Variants in MAGI2 observed in about 807,000 individuals in gnomAD.
MAGI2 encodes membrane associated guanylate kinase, WW and PDZ domain containing 2, also known as membrane-associated guanylate kinase, WW and PDZ domain-containing protein 2.
A neutral mutation model predicts 133.3 loss-of-function variants in MAGI2; 35 were observed. The observed-to-expected ratio is 0.26, with a 90% CI of 0.20 to 0.35. The LOEUF (loss-of-function observed/expected upper bound fraction) is 0.35, where lower values mean the gene tolerates loss of function less well. Among genes scored for constraint, MAGI2 ranks in the 10% least tolerant of loss-of-function variants. MAGI2 has a pLI of 1.00. For synonymous variants in MAGI2, 729 were observed against 710.6 expected (o/e 1.03, Z -0.41); for missense variants, 1,636 against 1,863.4 (o/e 0.88, Z 2.25).
chr7:79,239,098 T>C (rs13243756), intron 1 of MAGI2, among the ~76,000 whole-genome samples: 92,056 of 152,032 alleles, frequency 0.61, 29,306 homozygotes, highest in Non-Finnish European at 0.7. Flanking sequence ...TTGCACACCA[T>C]GTTTTTTAAA....
chr7:78,910,389 T>C (rs191106999), intron 2 of MAGI2, among the ~76,000 whole-genome samples: 214 of 152,054 alleles, frequency 1.4e-3, no homozygotes, highest in African/African-American at 5.0e-3. Flanking sequence ...TTAAAAACCT[T>C]AGGTAGTAAT....
At chr7:78,039,690 T>C (rs539754567) in intron 21 of MAGI2, 1 of 152,290 alleles carries the variant, frequency 6.6e-6, no homozygotes, top group South Asian at 2.1e-4. Context: ...GCCTGGCACA[T>C]TGGTGCTAAA....
chr7:79,295,877 C>G (rs376709124), intron 1 of MAGI2, among the ~76,000 whole-genome samples: 1 of 152,170 alleles, frequency 6.6e-6, no homozygotes, highest in Admixed American at 6.5e-5. Flanking sequence ...TAAATTGTGA[C>G]AAATTATGTC....
At chr7:78,809,100 G>C (rs1329088885) in intron 2 of MAGI2, among the ~76,000 whole-genome samples, 1 of 152,180 alleles carries the variant, frequency 6.6e-6, no homozygotes, top group Non-Finnish European at 1.5e-5. Context: ...TCGTTTGCAA[G>C]TGGTGTGGAT....
At chr7:79,128,423 T>C (rs1423911524) in intron 1 of MAGI2, among the ~76,000 whole-genome samples, 1 of 152,214 alleles carries the variant, frequency 6.6e-6, no homozygotes, top group Non-Finnish European at 1.5e-5. Flanking sequence ...GTTAAACTTT[T>C]GAAAACATTT....
At chr7:79,245,568 T>C (rs957047624) in intron 1 of MAGI2, among the ~76,000 whole-genome samples, 3 of 152,172 alleles carry the variant, frequency 2.0e-5, no homozygotes, top group East Asian at 1.9e-4. Context: ...ATGGTAATAA[T>C]GGGAAGGACT....
chr7:79,180,581 G>A (rs1826525128), intron 1 of MAGI2, among the ~76,000 whole-genome samples: 1 of 151,922 alleles, frequency 6.6e-6, no homozygotes, highest in Non-Finnish European at 1.5e-5. Context: ...CAACATGTGG[G>A]AATTCAAGAG....
chr7:78,085,987 G>C (rs780487940), intron 20 of MAGI2, among the ~76,000 whole-genome samples: 1 of 152,024 alleles, frequency 6.6e-6, no homozygotes, highest in Non-Finnish European at 1.5e-5. Flanking sequence ...TCTCCCTTCC[G>C]GAGCCTCCAT....
chr7:78,289,605 C>CAAAG (rs1407241949), intron 9 of MAGI2, among the ~76,000 whole-genome samples: 1 of 152,096 alleles, frequency 6.6e-6, no homozygotes, highest in Non-Finnish European at 1.5e-5. Flanking sequence ...GAGAACACCA[C>CAAAG]AAAGATACTC....
chr7:78,073,156 CTG>C (rs1814892452), intron 21 of MAGI2, among the ~76,000 whole-genome samples: 1 of 152,182 alleles, frequency 6.6e-6, no homozygotes, highest in African/African-American at 2.4e-5. Flanking sequence ...TCAGATCGAT[CTG>C]TTTCTCCAAT....
At chr7:78,262,728 G>C (rs1793631757) in intron 9 of MAGI2, among the ~76,000 whole-genome samples, 1 of 152,102 alleles carries the variant, frequency 6.6e-6, no homozygotes, top group Admixed American at 6.6e-5. Flanking sequence ...AAAAAGAGAG[G>C]ATTGAACCAG....
chr7:78,609,784 C>A (rs1806241829), intron 3 of MAGI2, among the ~76,000 whole-genome samples: 1 of 152,180 alleles, frequency 6.6e-6, no homozygotes, highest in African/African-American at 2.4e-5. Context: ...GTATTCCATG[C>A]ATACTCTTCC....
At chr7:78,208,151 T>TTA (rs1787305285) in intron 10 of MAGI2, among the ~76,000 whole-genome samples, 1 of 150,780 alleles carries the variant, frequency 6.6e-6, no homozygotes, top group Admixed American at 6.6e-5. Flanking sequence ...TTTTTTTTTT[T>TTA]TTTTAATATG....
intron 21 of MAGI2, among the ~76,000 whole-genome samples, chr7:78,055,473 T>G (rs969489127): frequency 3.3e-5 from 5 of 152,128 alleles, no homozygotes; most frequent in Non-Finnish European, 7.4e-5. Context: ...CTACCTAGAG[T>G]GGCTGTCAAG....
At chr7:79,020,990 A>G (rs561690469) in intron 1 of MAGI2, among the ~76,000 whole-genome samples, 4 of 152,332 alleles carry the variant, frequency 2.6e-5, no homozygotes, top group African/African-American at 9.6e-5. Flanking sequence ...CTTCAGCTCC[A>G]GCTGTGGCTG....
At chr7:78,236,288 T>C (rs1790532278) in intron 10 of MAGI2, among the ~76,000 whole-genome samples, 1 of 152,104 alleles carries the variant, frequency 6.6e-6, no homozygotes, top group Admixed American at 6.6e-5. Flanking sequence ...GAGAATCGAA[T>C]GATGATAGGT....
At chr7:79,289,954 A>T (rs1195847799) in intron 1 of MAGI2, among the ~76,000 whole-genome samples, 1 of 152,062 alleles carries the variant, frequency 6.6e-6, no homozygotes, top group Non-Finnish European at 1.5e-5. Context: ...CATTTCTTAA[A>T]TATTGGGTGG....
At chr7:78,829,915 T>C (rs1449081700) in intron 2 of MAGI2, among the ~76,000 whole-genome samples, 1 of 152,098 alleles carries the variant, frequency 6.6e-6, no homozygotes, top group Non-Finnish European at 1.5e-5. Flanking sequence ...AATAAGCACT[T>C]GTGATTTTTC....
intron 21 of MAGI2, among the ~76,000 whole-genome samples, chr7:78,074,201 C>T (rs1815031176): frequency 6.6e-6 from 1 of 152,148 alleles, no homozygotes; most frequent in Admixed American, 6.5e-5. Context: ...TTAGAGATGA[C>T]ATATTTGCGG....
Sources: gnomAD v4.1 joint callset for allele counts (sites outside exome capture counted in the v4.1 genomes callset) on GRCh38, gnomAD v4.1.1 for gene constraint, MANE v1.5 for transcripts, NCBI Gene and HGNC (gene_info 2026-07-23, HGNC 2026-07-21) for gene names.